Variants in OGFRL1 observed in about 807,000 individuals in gnomAD.
The protein encoded by OGFRL1 is opioid growth factor receptor like 1, also known as opioid growth factor receptor-like protein 1.
In OGFRL1, 26 loss-of-function variants were observed where a neutral mutation model predicts 32.4. That is an observed-to-expected ratio of 0.80 (90% CI 0.59 to 1.11). OGFRL1 has a LOEUF of 1.11. Among genes scored for constraint, OGFRL1 ranks in the 50% most tolerant of loss-of-function variants. The pLI is 0.00. For synonymous variants in OGFRL1, 211 were observed against 201.2 expected, an observed-to-expected ratio of 1.05 and a Z score of -0.41; for missense variants, 521 against 546.4, an observed-to-expected ratio of 0.95 and a Z score of 0.46.
Position 71,298,959 on chromosome 6 carries a change from T to C in OGFRL1, c.692+2142T>C, listed in dbSNP as rs150894725. 2.3e-3 allele frequency among the ~76,000 whole-genome samples: 344 copies of C among 152,274 alleles called. 2 individuals carry two copies. The highest frequency in any genetic ancestry group is 4.4e-3 in the South Asian group (21 of 4,822). On this transcript the variant is annotated intron_variant, in intron 6 of 6. Coordinates refer to ENST00000370435, the MANE Select transcript of OGFRL1 (RefSeq NM_024576.5). ...ATAGTAGCTAAGCAGAGGAAAAATA[T>C]TGAATCAAAGTAAAATAAAATAACA...
rs931985541 is a variant in OGFRL1 at position 71,289,057 on chromosome 6, G to C, written c.121G>C (p.Glu41Gln). ...PEEPGPGGGS[E>Q]GPGQESEQPA... ...AGAACCAGGGCCGGGCGGCGGCAGC[G>C]AGGGCCCGGGGCAGGAGTCCGAGCA... is the stretch of plus-strand genomic sequence containing the variant. The change falls in exon 1 of 7, where the codon GAG (glutamate) becomes CAG (glutamine). Residue 41 changes from glutamate (E) to glutamine (Q), a missense_variant. Glu to Gln is a conservative substitution (Grantham distance 29). Coordinates refer to ENST00000370435, the MANE Select transcript of OGFRL1 (RefSeq NM_024576.5). 4 of 1,276,454 alleles carry C rather than the reference G, an allele frequency of 3.1e-6. No individual in the cohort carries two copies. In the African/African-American group the frequency reaches 6.3e-5, roughly 20 times the overall value. The allele number at this position is 1,276,454 out of a possible 1,614,324, so 79.1% of individuals were successfully genotyped here.
At chr6:71,292,140 A>C (rs561361881) in intron 1 of OGFRL1, 2 of 152,318 alleles carry the variant, frequency 1.3e-5, no homozygotes, top group South Asian at 4.1e-4. Flanking sequence ...ATGTAGGATG[A>C]TGATTCATAT....
chr6:71,295,768 T>G (rs1248535522), intron 3 of OGFRL1: 1 of 152,330 alleles, frequency 6.6e-6, no homozygotes, highest in Non-Finnish European at 1.5e-5. Context: ...GTTTTCTCCT[T>G]CTCATTTCTT....
Position 71,301,530 on chromosome 6 carries a change from T to C in OGFRL1, c.837T>C (p.Ala279=). Residue 279 remains alanine (A), a synonymous_variant, in exon 7 of 7, where the codon GCT becomes GCC. Transcript: ENST00000370435. The stretch of plus-strand genomic sequence containing the variant: ...CTATTCCCAATATTAAGCAGAGTGC[T>C]CTAGAGTATTTTGTTTATACAATTA... ...ENTIPNIKQS[A]LEYFVYTIRD... 6.2e-7 allele frequency: 1 copy of C among 1,614,168 alleles called. No homozygotes were observed. The highest frequency in any genetic ancestry group is 8.5e-7 in the Non-Finnish European group (1 of 1,180,022).
At chr6:71,293,760 A>ATTAAT in intron 3 of OGFRL1, 149 bp downstream of exon 3, 1 of 606,564 alleles carries the variant, frequency 1.6e-6, no homozygotes, top group East Asian at 2.8e-5. Flanking sequence ...AGAGCTATGG[A>ATTAAT]TTAATGGTAT....
At chr6:71,293,471 G>T (rs1344840503) in intron 2 of OGFRL1, 62 bp from the exon 3 acceptor site, 1 of 1,555,534 alleles carries the variant, frequency 6.4e-7, no homozygotes, top group South Asian at 1.1e-5. Flanking sequence ...ATGCATGAAG[G>T]GTCCTTGTAT....
At chr6:71,300,997 T>G (rs2149356554) in intron 6 of OGFRL1, among the ~76,000 whole-genome samples, 2 of 152,342 alleles carry the variant, frequency 1.3e-5, no homozygotes, top group Middle Eastern at 6.8e-3. Context: ...TTAGCAATGG[T>G]TACCTCTGAT....
At position 71,296,558 on chromosome 6, in the gene OGFRL1, T is replaced by G; in HGVS notation, c.543T>G (p.Ile181Met). 1 of 1,611,738 alleles carries G rather than the reference T, an allele frequency of 6.2e-7. No homozygotes were observed. ...FYAKELTTYE[I>M]EEFKKTKEAI... The stretch of plus-strand genomic sequence containing the variant: ...CCAAAGAACTAACTACATATGAAAT[T>G]GAGGTAATGCAAGCTCATTTCATTT... Residue 181 changes from isoleucine to methionine, a missense_variant, in exon 5 of 7, where the codon ATT becomes ATG. Ile to Met is a conservative substitution (Grantham distance 10). Transcript: ENST00000370435.
chr6:71,289,928 G>T, intron 1 of OGFRL1: 1 of 569,346 alleles, frequency 1.8e-6, no homozygotes. Flanking sequence ...AGGTGGTTCA[G>T]GTTTGCCGCT....
rs1443439593 is a variant in OGFRL1 at position 71,304,842 on chromosome 6, T to TAGAG, written c.*2796_*2797insGAGA. 3.3e-5 allele frequency: 5 copies of TAGAG among 152,074 alleles called. No homozygotes were observed. Among genetic ancestry groups the TAGAG allele is most frequent in the African/African-American group, 1.2e-4 (5 of 41,466 alleles). The allele number at this position is 152,074 out of a possible 1,614,324, so 9.4% of individuals were successfully genotyped here. ...TCTTACATTTAATCCCTAAATAACT[T>TAGAG]AGATAATCATTCAGTGGAGAACAAG... On this transcript the variant is annotated 3_prime_UTR_variant, in exon 7 of 7. Transcript: ENST00000370435.
At chr6:71,296,964 G>A (rs1288602732) in intron 6 of OGFRL1, 147 bp downstream of exon 6, 1 of 852,758 alleles carries the variant, frequency 1.2e-6, no homozygotes, top group Admixed American at 3.1e-5. Context: ...TTACATTCCT[G>A]TACCACATTC....
intron 3 of OGFRL1, among the ~76,000 whole-genome samples, chr6:71,293,875 A>G (rs756654701): frequency 6.6e-6 from 1 of 152,182 alleles, no homozygotes; most frequent in Non-Finnish European, 1.5e-5. Context: ...TTATTAAGGA[A>G]CAGTAGAGAA....
chr6:71,305,101 A>G lies in OGFRL1; in HGVS notation c.*3052A>G, dbSNP rs1258916855. On this transcript the variant is annotated 3_prime_UTR_variant, in exon 7 of 7. Transcript: ENST00000370435. ...AAAAAATGCAGTGAAGCATGACCAA[A>G]TAGCTAAAAATATTACTGAATCTTT... 1 of 152,094 alleles carries G rather than the reference A, an allele frequency of 6.6e-6. No homozygotes were observed. Among genetic ancestry groups the G allele is most frequent in the Non-Finnish European group, 1.5e-5 (1 of 67,932 alleles). 9.4% of individuals were successfully genotyped at this position (152,094 alleles called of 1,614,324 possible).
intron 3 of OGFRL1, among the ~76,000 whole-genome samples, chr6:71,296,031 C>CT (rs1261414420): frequency 6.6e-5 from 10 of 152,082 alleles, no homozygotes; most frequent in Non-Finnish European, 1.5e-4. Context: ...TCCAATAAAA[C>CT]TTTATTTAAA....
At position 71,303,059 on chromosome 6, in the gene OGFRL1, C is replaced by G. The variant is rs992097619; in HGVS notation, c.*1010C>G. On this transcript the variant is annotated 3_prime_UTR_variant, in exon 7 of 7. Transcript: ENST00000370435. ...GGGGTCCAGCATCTGTGGATTCAAC[C>G]AACCGCAGATTGAAAATATTTGTTG... 1 of 152,136 alleles carries G rather than the reference C, an allele frequency of 6.6e-6. No individual in the cohort carries two copies. Among genetic ancestry groups the G allele is most frequent in the Admixed American group, 6.5e-5 (1 of 15,268 alleles). The allele number at this position is 152,136 out of a possible 1,614,324, so 9.4% of individuals were successfully genotyped here. A position where few individuals can be genotyped will look rare whatever the true frequency, so the allele number is the denominator to read the frequency against.
chr6:71,301,260 G>A (rs9346458), intron 6 of OGFRL1, 126 bp from the exon 7 acceptor site: 367,702 of 770,648 alleles, frequency 0.48, 92,898 homozygotes, highest in African/African-American at 0.76. Flanking sequence ...ATGGCATTAG[G>A]AAGTCATTAC....
At chr6:71,298,113 T>C (rs1209811052) in intron 6 of OGFRL1, among the ~76,000 whole-genome samples, 1 of 152,016 alleles carries the variant, frequency 6.6e-6, no homozygotes, top group Non-Finnish European at 1.5e-5. Context: ...AAAATGGTAG[T>C]TTGTACTAAA....
chr6:71,296,805 A>G lies in OGFRL1; in HGVS notation c.680A>G (p.Gln227Arg), dbSNP rs184463035. 8 of 1,613,148 alleles carry G rather than the reference A, an allele frequency of 5.0e-6. No individual in the cohort carries two copies. The East Asian group carries it at 1.3e-4, about 27-fold the overall frequency. ...GCTGTTAACTGGCAGGAAAGATTTC[A>G]GCATCTGAATGAGTAAGTAAAGCCC... is the stretch of plus-strand genomic sequence containing the variant. ...ARAVNWQERF[Q>R]HLNESQHNYL... Residue 227 changes from glutamine (Q) to arginine (R), a missense_variant, in exon 6 of 7, where the codon CAG becomes CGG. Transcript: ENST00000370435.
Position 71,305,934 on chromosome 6 carries a change from G to T in OGFRL1, c.*3885G>T, listed in dbSNP as rs551928116. On this transcript the variant is annotated 3_prime_UTR_variant, in exon 7 of 7. Coordinates refer to ENST00000370435, the MANE Select transcript of OGFRL1 (RefSeq NM_024576.5). ...GTAGTCATCCATACTGAGTAATCAC[G>T]CATTTTTTAAACTATAATTGAGGCT... The T allele has an allele frequency of 2.6e-5, 4 of 152,114 alleles. No individual in the cohort carries two copies. The highest frequency in any genetic ancestry group is 6.5e-5 in the Admixed American group (1 of 15,276). The allele number at this position is 152,114 out of a possible 1,614,324, so 9.4% of individuals were successfully genotyped here. A position where few individuals can be genotyped will look rare whatever the true frequency, so the allele number is the denominator to read the frequency against.
Sources: allele counts gnomAD v4.1 joint callset (sites outside exome capture counted in the v4.1 genomes callset), GRCh38; gene constraint gnomAD v4.1.1; transcripts MANE v1.5; gene names NCBI Gene and HGNC (gene_info 2026-07-23, HGNC 2026-07-21).